Variants in TMEM132D observed in about 807,000 individuals in gnomAD.
The protein encoded by TMEM132D is transmembrane protein 132D.
Under a neutral mutation model 62.3 loss-of-function variants are expected in TMEM132D, and 21 were observed. The ratio of observed to expected loss-of-function variants is 0.34; its 90% confidence interval spans 0.24 to 0.49. The LOEUF (loss-of-function observed/expected upper bound fraction) is 0.49. Among genes scored for constraint, TMEM132D ranks in the 20% least tolerant of loss-of-function variants. The pLI, the probability that TMEM132D is intolerant of heterozygous loss-of-function variation, is 0.99. For missense variants in TMEM132D, 1,346 were observed against 1,402.8 expected (o/e 0.96, Z 0.65); for synonymous variants, 621 against 575.6 (o/e 1.08, Z -1.13).
rs955362468 is a variant in TMEM132D, at chr12:129,559,913, G to T, written c.969-28708C>A. On this transcript the variant is annotated intron_variant, in intron 2 of 8. Coordinates refer to ENST00000422113, the MANE Select transcript of TMEM132D (RefSeq NM_133448.3). ...TGGAGAAAACCCCCTGGGAAAACAG[G>T]ATAGCATGCACGTGGAATACAGCTG... 7.9e-5 allele frequency among the ~76,000 whole-genome samples: 12 copies of T among 152,160 alleles called. No homozygotes were observed. The South Asian group carries it at 1.7e-3, about 21-fold the overall frequency.
chr12:129,177,830 G>A (rs1181565043), intron 5 of TMEM132D, among the ~76,000 whole-genome samples: 1 of 152,188 alleles, frequency 6.6e-6, no homozygotes, highest in Non-Finnish European at 1.5e-5. Context: ...ATCGGTAAAT[G>A]TGTACCATAG....
intron 1 of TMEM132D, among the ~76,000 whole-genome samples, chr12:129,713,940 C>T (rs1868470064): frequency 6.6e-6 from 1 of 152,240 alleles, no homozygotes; most frequent in African/African-American, 2.4e-5. Flanking sequence ...TCTAGAAACT[C>T]ACCTCGAAAC....
At chr12:129,179,338 T>C (rs1878000548) in intron 5 of TMEM132D, among the ~76,000 whole-genome samples, 1 of 151,966 alleles carries the variant, frequency 6.6e-6, no homozygotes, top group South Asian at 2.1e-4. Flanking sequence ...GTTTTTTGTT[T>C]TTTGTTTTTT....
chr12:129,676,336 C>A (rs1880630611), intron 2 of TMEM132D, among the ~76,000 whole-genome samples: 1 of 152,140 alleles, frequency 6.6e-6, no homozygotes, highest in African/African-American at 2.4e-5. Flanking sequence ...TGTATCTATT[C>A]ATCTAATCAT....
At chr12:129,372,125 C>G (rs1870621775) in intron 3 of TMEM132D, among the ~76,000 whole-genome samples, 1 of 152,216 alleles carries the variant, frequency 6.6e-6, no homozygotes, top group South Asian at 2.1e-4. Flanking sequence ...GGGCAACCTC[C>G]AATCCAAAGC....
intron 2 of TMEM132D, among the ~76,000 whole-genome samples, chr12:129,556,945 C>A (rs1877080015): frequency 6.6e-6 from 1 of 152,130 alleles, no homozygotes; most frequent in African/African-American, 2.4e-5. Flanking sequence ...TTAAAATTTT[C>A]CCTCCTAAGC....
chr12:129,203,088 C>A (rs1453845658), intron 5 of TMEM132D, among the ~76,000 whole-genome samples: 1 of 152,166 alleles, frequency 6.6e-6, no homozygotes, highest in Non-Finnish European at 1.5e-5. Context: ...GCACGTTCAA[C>A]CACACTGTAC....
chr12:129,862,049 G>A lies in TMEM132D; in HGVS notation c.79+41212C>T, dbSNP rs376105759. Among the ~76,000 whole-genome samples, 498 of 152,220 alleles carry A rather than the reference G, an allele frequency of 3.3e-3. 1 individual carries two copies. The highest frequency in any genetic ancestry group is 0.02 in the Middle Eastern group (6 of 294). On this transcript the variant is annotated intron_variant, in intron 1 of 8. Transcript: ENST00000422113. ...GTCCTCTGCCCACCAAACTATCCTT[G>A]AAAAACCCTAGCCTCCAAATTCTCT... is the stretch of plus-strand genomic sequence containing the variant.
At position 129,094,644 on chromosome 12, in the gene TMEM132D, G is replaced by A. The variant is rs764153048; in HGVS notation, c.1444-9942C>T. Reference sequence around the variant, plus strand: ...TGTGGTGATTCCTCAGGGATCTAGAGCTAGAAATACCATTTGACCCAGCCA... The same window carrying A: ...TGTGGTGATTCCTCAGGGATCTAGAACTAGAAATACCATTTGACCCAGCCA... On this transcript the variant is annotated intron_variant, in intron 5 of 8. Transcript: ENST00000422113. Among the ~76,000 whole-genome samples, 8 of 152,244 alleles carry A rather than the reference G, an allele frequency of 5.3e-5. No homozygotes were observed. The East Asian group carries it at 1.4e-3, about 26-fold the overall frequency.
intron 5 of TMEM132D, among the ~76,000 whole-genome samples, chr12:129,198,015 A>C (rs1040007823): frequency 1.3e-5 from 2 of 152,224 alleles, no homozygotes; most frequent in Non-Finnish European, 2.9e-5. Flanking sequence ...ACAAATAGTC[A>C]ATAGATACAT....
rs80044038 is a variant in TMEM132D, at chr12:129,198,641, C to T, written c.1443+10879G>A. ...TCATCAAAGCACAGAGTAAAATGGT[C>T]ACTACAGACGTTGAGGCTTTGGTAC... is the stretch of plus-strand genomic sequence containing the variant. On this transcript the variant is annotated intron_variant, in intron 5 of 8. Transcript: ENST00000422113. Among the ~76,000 whole-genome samples the T allele has an allele frequency of 9.2e-3, 1,405 of 152,274 alleles. 21 individuals carry two copies. Among genetic ancestry groups the T allele is most frequent in the African/African-American group, 0.033 (1,354 of 41,560 alleles).
chr12:129,228,953 C>T (rs773550765), intron 4 of TMEM132D, among the ~76,000 whole-genome samples: 6 of 152,170 alleles, frequency 3.9e-5, no homozygotes, highest in Admixed American at 6.5e-5. Flanking sequence ...TCAGCAATTC[C>T]GGGGCATCAT....
At chr12:129,570,597 C>A (rs548256570) in intron 2 of TMEM132D, among the ~76,000 whole-genome samples, 48 of 152,202 alleles carry the variant, frequency 3.2e-4, no homozygotes, top group Non-Finnish European at 5.6e-4. Flanking sequence ...GTAACTGCCA[C>A]AGGCATCTGA....
chr12:129,834,037 AG>A (rs1378452386), intron 1 of TMEM132D, among the ~76,000 whole-genome samples: 1 of 152,194 alleles, frequency 6.6e-6, no homozygotes, highest in Non-Finnish European at 1.5e-5. Flanking sequence ...CTTCCTCCCC[AG>A]GAACTTTCGG....
intron 1 of TMEM132D, among the ~76,000 whole-genome samples, chr12:129,713,379 T>TG (rs1364242245): frequency 4.0e-5 from 6 of 151,658 alleles, no homozygotes; most frequent in African/African-American, 1.5e-4. Flanking sequence ...TAGGTCTCTC[T>TG]GATCTCAGAT....
At chr12:129,451,154 C>T (rs1172215838) in intron 3 of TMEM132D, among the ~76,000 whole-genome samples, 3 of 150,468 alleles carry the variant, frequency 2.0e-5, no homozygotes, top group African/African-American at 7.5e-5. Context: ...ACGGTGCTGC[C>T]CTCTCAGAAA....
rs149945205 is a variant in TMEM132D at position 129,120,198 on chromosome 12, T to C, written c.1444-35496A>G. Reference sequence around the variant, plus strand: ...GTGCATGAGAGTGAAATGGCTTGATTTACATTTTTAAGAAGCCACTACACC... The same window carrying C: ...GTGCATGAGAGTGAAATGGCTTGATCTACATTTTTAAGAAGCCACTACACC... On this transcript the variant is annotated intron_variant, in intron 5 of 8. Transcript: ENST00000422113. Among the ~76,000 whole-genome samples, 410 of 152,208 alleles carry C rather than the reference T, an allele frequency of 2.7e-3. 2 individuals are homozygous for C. The highest frequency in any genetic ancestry group is 4.3e-3 in the Non-Finnish European group (295 of 68,018).
chr12:129,177,774 A>T (rs1010028500), intron 5 of TMEM132D, among the ~76,000 whole-genome samples: 9 of 152,124 alleles, frequency 5.9e-5, no homozygotes, highest in African/African-American at 1.2e-4. Context: ...TAATTTTTTT[A>T]AATTTTAAGT....
In TMEM132D at chr12:129,765,568, CAA is replaced by C. The variant is rs55638594; in HGVS notation, c.80-64872_80-64871del. ...GCAACAAGAGTGAAATTGCATCTCC[CAA>C]AAAAAAAAAAAAGACCCAGAAAAAA... On this transcript the variant is annotated intron_variant, in intron 1 of 8. Transcript: ENST00000422113. Among the ~76,000 whole-genome samples, 249 of 145,170 alleles carry C rather than the reference CAA, an allele frequency of 1.7e-3. 1 individual carries two copies. The highest frequency in any genetic ancestry group is 2.8e-3 in the South Asian group (13 of 4,582).
Sources: gnomAD v4.1 joint callset for allele counts (sites outside exome capture counted in the v4.1 genomes callset) on GRCh38, gnomAD v4.1.1 for gene constraint, MANE v1.5 for transcripts, NCBI Gene and HGNC (gene_info 2026-07-23, HGNC 2026-07-21) for gene names.